Variants in HEATR1 observed in about 807,000 individuals in gnomAD.
HEATR1 encodes the protein HEAT repeat containing 1, also known as HEAT repeat-containing protein 1.
Under a neutral mutation model 248.2 loss-of-function variants are expected in HEATR1, and 77 were observed. The observed-to-expected ratio is 0.31, with a 90% CI of 0.26 to 0.37. The LOEUF (loss-of-function observed/expected upper bound fraction) is 0.37, where lower values mean the gene tolerates loss of function less well. HEATR1 is among the 10% of genes least tolerant of loss of function. The pLI is 1.00. For synonymous variants in HEATR1, 897 were observed against 923.1 expected, an observed-to-expected ratio of 0.97 and a Z score of 0.51; for missense variants, 2,420 against 2,504.9, an observed-to-expected ratio of 0.97 and a Z score of 0.72.
At position 236,588,015 on chromosome 1, in the gene HEATR1, T is replaced by G; in HGVS notation, c.1559A>C (p.Glu520Ala). 1 of 1,612,418 alleles carries G rather than the reference T, an allele frequency of 6.2e-7. No individual in the cohort carries two copies. Among genetic ancestry groups the G allele is most frequent in the Non-Finnish European group, 8.5e-7 (1 of 1,179,116 alleles). Residue 520 changes from glutamate (E) to alanine (A), a missense_variant, in exon 13 of 45, where the codon GAA becomes GCA. By Grantham distance (107) the Glu-to-Ala change is moderately radical. Coordinates refer to ENST00000366582, the MANE Select transcript of HEATR1 (RefSeq NM_018072.6). ...ATCACCTAATCGGGCTAAAACAGCTTCTTTTATGAAAGATTCATCAACACC... is the reference window on the plus strand; with the variant it reads ...ATCACCTAATCGGGCTAAAACAGCTGCTTTTATGAAAGATTCATCAACACC... ...KEGVDESFIK[E>A]AVLARLGDDN... is the part of the protein sequence containing the mutation.
In HEATR1 at chr1:236,581,381, A is replaced by G. The variant is rs766599773; in HGVS notation, c.2596T>C (p.Phe866Leu). Reference sequence around the variant, plus strand: ...CCATAGGTCCATAAAACAGAACAGAACTTGAATAACTGAAAAACATCTTCT... The same window carrying G: ...CCATAGGTCCATAAAACAGAACAGAGCTTGAATAACTGAAAAACATCTTCT... The part of the protein sequence containing the change: ...HLEDVFQLFK[F>L]CSVLWTYGSS... The change falls in exon 20 of 45, where the codon TTC becomes CTC. Residue 866 changes from phenylalanine to leucine, a missense_variant. Coordinates refer to ENST00000366582, the MANE Select transcript of HEATR1 (RefSeq NM_018072.6). 1.9e-6 allele frequency: 3 copies of G among 1,557,900 alleles called. No individual in the cohort carries two copies. The highest frequency in any genetic ancestry group is 2.6e-6 in the Non-Finnish European group (3 of 1,159,622).
intron 19 of HEATR1, among the ~76,000 whole-genome samples, chr1:236,582,154 G>C (rs1663767118): frequency 6.6e-6 from 1 of 152,038 alleles, no homozygotes; most frequent in African/African-American, 2.4e-5. Context: ...GCCCAGGCTG[G>C]AGTGCAGTGG....
At chr1:236,562,862 A>G (rs2799438) in intron 32 of HEATR1, among the ~76,000 whole-genome samples, 80,481 of 152,042 alleles carry the variant, frequency 0.53, 24,774 homozygotes, top group Non-Finnish European at 0.69. Flanking sequence ...TTGGTACCTT[A>G]TAAGTTTATG....
Position 236,604,006 on chromosome 1 carries a change from T to C in HEATR1, c.90A>G (p.Leu30=), listed in dbSNP as rs1236108692. The change falls in exon 2 of 45, where the codon TTA becomes TTG. Residue 30 remains leucine (L), a synonymous_variant. Transcript: ENST00000366582. ...TTGTGGCCGCTTCCTTAGGGTCAAA[T>C]AACAAAGAAGCAACTTCATCTCTAG... is the stretch of plus-strand genomic sequence containing the variant. ...LLSRDEVASL[L]FDPKEAATID... 3.1e-6 allele frequency: 5 copies of C among 1,597,478 alleles called. No individual in the cohort carries two copies. The highest frequency in any genetic ancestry group is 4.3e-6 in the Non-Finnish European group (5 of 1,174,396).
At chr1:236,604,151 T>TA (rs1572057998) in intron 1 of HEATR1, 24 bp from the exon 2 acceptor site, 31 of 1,512,992 alleles carry the variant, frequency 2.0e-5, no homozygotes, top group Non-Finnish European at 2.5e-5. Context: ...AGCACTTTGA[T>TA]AAGTTTCTAC....
At chr1:236,567,576 G>A (rs949206505) in intron 29 of HEATR1, among the ~76,000 whole-genome samples, 1 of 152,188 alleles carries the variant, frequency 6.6e-6, no homozygotes, top group African/African-American at 2.4e-5. Context: ...GGGCGTGGTG[G>A]TGCGTGCCTG....
intron 24 of HEATR1, 118 bp downstream of exon 24, chr1:236,574,084 T>C: frequency 1.2e-6 from 1 of 805,182 alleles, no homozygotes; most frequent in East Asian, 3.0e-5. Context: ...ATGATTTTTG[T>C]TAATGGTAAC....
Position 236,565,922 on chromosome 1 carries a change from CT to C in HEATR1, c.4431del (p.Glu1478LysfsTer25). On this transcript the variant is annotated frameshift_variant, in exon 31 of 45. Coordinates refer to ENST00000366582, the MANE Select transcript of HEATR1 (RefSeq NM_018072.6). LOFTEE classifies it high-confidence loss of function. The part of the protein sequence containing the change: ...LQYLLKLPEE[K>X]EETIPKAVSF... ...GTGACACCCGATCTACGCTTACCTT[CT>C]TTTTCCTCTGGCAGCTTTAGTAAGT... The C allele has an allele frequency of 6.2e-7, 1 of 1,613,166 alleles. No homozygotes were observed. The highest frequency in any genetic ancestry group is 8.5e-7 in the Non-Finnish European group (1 of 1,179,672).
At chr1:236,601,690 A>T (rs2102802045) in intron 3 of HEATR1, among the ~76,000 whole-genome samples, 1 of 151,860 alleles carries the variant, frequency 6.6e-6, no homozygotes, top group East Asian at 1.9e-4. Flanking sequence ...AAAAAAAACT[A>T]GGTGGGCATG....
At chr1:236,599,012 A>G (rs16834047) in intron 4 of HEATR1, among the ~76,000 whole-genome samples, 2,370 of 152,316 alleles carry the variant, frequency 0.016, 16 homozygotes, top group Middle Eastern at 0.075. Flanking sequence ...TCACAACTTT[A>G]GTAAATTCTT....
chr1:236,550,782 G>C lies in HEATR1; in HGVS notation c.*120C>G. The C allele has an allele frequency of 1.4e-6, 1 of 718,592 alleles. No homozygotes were observed. The highest frequency in any genetic ancestry group is 2.0e-5 in the South Asian group (1 of 50,210). 44.5% of individuals were successfully genotyped at this position (718,592 alleles called of 1,614,324 possible). ...TTTGTAAAGAAGTGATAAAACATTT[G>C]TAAGTAATCCAAGTAGGTGTATTAA... On this transcript the variant is annotated 3_prime_UTR_variant, in exon 45 of 45. Coordinates refer to ENST00000366582, the MANE Select transcript of HEATR1 (RefSeq NM_018072.6).
In HEATR1 at chr1:236,592,234, C is replaced by T. The variant is rs1664057079; in HGVS notation, c.1305-124G>A. 3 of 599,632 alleles carry T rather than the reference C, an allele frequency of 5.0e-6. No individual in the cohort carries two copies. In the African/African-American group the frequency reaches 5.6e-5, roughly 11 times the overall value. The allele number at this position is 599,632 out of a possible 1,614,324, so 37.1% of individuals were successfully genotyped here. Reference sequence around the variant, plus strand: ...ACTGAGACTGTGACTTAAATTTTAACAAATGTTGTAGGTAAAACCAAATGA... The same window carrying T: ...ACTGAGACTGTGACTTAAATTTTAATAAATGTTGTAGGTAAAACCAAATGA... On this transcript the variant is annotated intron_variant, in intron 10 of 44. Transcript: ENST00000366582.
intron 24 of HEATR1, among the ~76,000 whole-genome samples, chr1:236,573,566 G>A (rs1223800729): frequency 1.3e-5 from 2 of 151,736 alleles, no homozygotes; most frequent in African/African-American, 4.8e-5. Context: ...TGGCATTGTA[G>A]TCATATCCAC....
intron 9 of HEATR1, among the ~76,000 whole-genome samples, 191 bp downstream of exon 9, chr1:236,593,821 G>C (rs2794755): frequency 0.61 from 93,304 of 151,922 alleles, 30,409 homozygotes; most frequent in East Asian, 0.72. Flanking sequence ...AAGCACTAAA[G>C]ACATGCAAGA....
intron 32 of HEATR1, 29 bp from the exon 33 acceptor site, chr1:236,561,300 C>T (rs751599183): frequency 3.2e-6 from 5 of 1,576,922 alleles, no homozygotes; most frequent in African/African-American, 2.7e-5. Flanking sequence ...GTCATTAGAA[C>T]GGTAGGGAAG....
intron 12 of HEATR1, among the ~76,000 whole-genome samples, chr1:236,590,463 T>C (rs1664002628): frequency 6.6e-6 from 1 of 152,112 alleles, no homozygotes; most frequent in South Asian, 2.1e-4. Flanking sequence ...TCTCAAACGT[T>C]TGGGCTCAAG....
chr1:236,588,091 T>C, intron 12 of HEATR1, 48 bp from the exon 13 acceptor site: 1 of 1,426,932 alleles, frequency 7.0e-7, no homozygotes, highest in South Asian at 1.2e-5. Context: ...CAAAAATCTC[T>C]TAAGGCTTTG....
intron 3 of HEATR1, chr1:236,602,747 A>C (rs1361248847): frequency 5.9e-6 from 1 of 170,224 alleles, no homozygotes; most frequent in Non-Finnish European, 1.3e-5. Flanking sequence ...TAACACGGTG[A>C]AACTCCATCT....
intron 19 of HEATR1, among the ~76,000 whole-genome samples, chr1:236,582,097 CTTTT>C (rs900162477): frequency 5.9e-5 from 9 of 152,134 alleles, no homozygotes; most frequent in South Asian, 2.1e-4. Context: ...CCCACAGTAT[CTTTT>C]TATTTATTTA....
Sources: gnomAD v4.1 joint callset for allele counts (sites outside exome capture counted in the v4.1 genomes callset) on GRCh38, gnomAD v4.1.1 for gene constraint, MANE v1.5 for transcripts, NCBI Gene and HGNC (gene_info 2026-07-23, HGNC 2026-07-21) for gene names.